Variants in IGSF22 observed in about 807,000 individuals in gnomAD.
The protein encoded by IGSF22 is immunoglobulin superfamily, member 22.
Under a neutral mutation model 127.0 loss-of-function variants are expected in IGSF22, and 119 were observed. The observed-to-expected ratio is 0.94, with a 90% CI of 0.81 to 1.09. The LOEUF (loss-of-function observed/expected upper bound fraction) is 1.09. IGSF22 is among the 50% of genes least tolerant of loss of function. IGSF22 has a pLI of 0.00. For missense variants in IGSF22, 1,518 were observed against 1,716.6 expected (o/e 0.88, Z 2.04); for synonymous variants, 568 against 664.7 (o/e 0.85, Z 2.24).
intron 19 of IGSF22, 56 bp from the exon 20 acceptor site, chr11:18,708,052 G>A: frequency 6.3e-7 from 1 of 1,596,160 alleles, no homozygotes; most frequent in Non-Finnish European, 8.6e-7. Flanking sequence ...TTGGGGGCAG[G>A]CCTTCCTCCA....
chr11:18,711,111 A>G (rs1040199037), intron 15 of IGSF22, among the ~76,000 whole-genome samples: 1 of 150,636 alleles, frequency 6.6e-6, no homozygotes, highest in African/African-American at 2.5e-5. Flanking sequence ...CATTAACATC[A>G]AGTGGGAAGT....
At chr11:18,710,965 A>G in intron 15 of IGSF22, 137 bp from the exon 16 acceptor site, 1 of 745,254 alleles carries the variant, frequency 1.3e-6, no homozygotes, top group Non-Finnish European at 2.1e-6. Context: ...TTTTAGAGAC[A>G]AGGTCTCACT....
chr11:18,710,414 A>G lies in IGSF22; in HGVS notation c.2614T>C (p.Tyr872His), dbSNP rs761680089. ...TVDGLLEDTE[Y>H]EFRVIAVNKA... ...TTTACAGCTATAACTCGGAATTCAT[A>G]TTCTGTGTCCTCCAGGAGACCATCC... is the stretch of plus-strand genomic sequence containing the variant. The change falls in exon 17 of 23, where the codon TAT becomes CAT. Residue 872 changes from tyrosine to histidine, a missense_variant. By Grantham distance (83) the Tyr-to-His change is moderately conservative. Coordinates refer to ENST00000513874, the MANE Select transcript of IGSF22 (RefSeq NM_173588.4). 1.2e-6 allele frequency: 2 copies of G among 1,614,206 alleles called. No individual in the cohort carries two copies. Among genetic ancestry groups the G allele is most frequent in the South Asian group, 2.2e-5 (2 of 91,080 alleles).
intron 22 of IGSF22, chr11:18,705,546 T>C (rs975883465): frequency 1.8e-5 from 9 of 491,906 alleles, no homozygotes; most frequent in Middle Eastern, 1.1e-3. Context: ...CAGTATCTTT[T>C]TTCTGAAGGC....
chr11:18,720,309 T>C, intron 4 of IGSF22, 24 bp from the exon 5 acceptor site: 5 of 1,598,168 alleles, frequency 3.1e-6, no homozygotes, highest in Non-Finnish European at 3.4e-6. Context: ...CGGCCATTAG[T>C]GGGGGAAGGA....
intron 2 of IGSF22, 68 bp from the exon 3 acceptor site, chr11:18,722,109 G>A: frequency 1.9e-6 from 3 of 1,587,536 alleles, no homozygotes; most frequent in Middle Eastern, 1.7e-4. Context: ...GGAGGACAGA[G>A]CTTTCTTGAG....
chr11:18,707,864 G>A lies in IGSF22; in HGVS notation c.3220C>T (p.Arg1074Ter), dbSNP rs768209518. Residue 1074 changes from arginine to a stop codon, truncating the protein, a stop_gained, in exon 20 of 23, where the codon CGA becomes TGA. Coordinates refer to ENST00000513874, the MANE Select transcript of IGSF22 (RefSeq NM_173588.4). LOFTEE classifies it high-confidence loss of function. ...CCAAACTCATTCTGAAGCAAGATTC[G>A]GTACACCCCTGAGTCAGAGCGCTTG... ...STKRSDSGVY[R>*]ILLQNEFGEA... 1.7e-5 allele frequency: 27 copies of A among 1,613,770 alleles called. No individual in the cohort carries two copies. Among genetic ancestry groups the A allele is most frequent in the Non-Finnish European group, 2.2e-5 (26 of 1,179,926 alleles).
chr11:18,721,813 G>A (rs964126300), intron 3 of IGSF22, 97 bp downstream of exon 3: 245 of 1,590,540 alleles, frequency 1.5e-4, no homozygotes, highest in Non-Finnish European at 2.0e-4. Flanking sequence ...CTCTGCCAGG[G>A]TTTAGCATTG....
chr11:18,720,408 G>A, intron 4 of IGSF22, 123 bp from the exon 5 acceptor site: 1 of 674,464 alleles, frequency 1.5e-6, no homozygotes, highest in South Asian at 1.8e-5. Flanking sequence ...TTGGGTATAT[G>A]TGTGGAGGAT....
At chr11:18,722,190 C>T in intron 2 of IGSF22, 149 bp from the exon 3 acceptor site, 1 of 884,008 alleles carries the variant, frequency 1.1e-6, no homozygotes, top group Non-Finnish European at 1.7e-6. Context: ...GGGGAGAAAG[C>T]AGGGTGAGTC....
Position 18,717,504 on chromosome 11 carries a change from T to A in IGSF22, c.973+427A>T, listed in dbSNP as rs1268788693. ...AGTGAAGTGCAGGATCATGGCTCACTGCAGCCTCAGCGTGCTGGGTAGCTA... is the reference window on the plus strand; with the variant it reads ...AGTGAAGTGCAGGATCATGGCTCACAGCAGCCTCAGCGTGCTGGGTAGCTA... On this transcript the variant is annotated intron_variant, in intron 9 of 22. Transcript: ENST00000513874. Among the ~76,000 whole-genome samples, 10 of 152,262 alleles carry A rather than the reference T, an allele frequency of 6.6e-5. No homozygotes were observed. In the East Asian group the frequency reaches 1.9e-3, roughly 29 times the overall value.
chr11:18,722,144 G>A (rs1255998806), intron 2 of IGSF22, 103 bp from the exon 3 acceptor site: 2 of 1,391,790 alleles, frequency 1.4e-6, no homozygotes, highest in Non-Finnish European at 2.0e-6. Flanking sequence ...TGGGAACAAA[G>A]AGCATTTAGG....
Position 18,713,904 on chromosome 11 carries a change from C to G in IGSF22, c.2043G>C (p.Lys681Asn). Residue 681 changes from lysine to asparagine, a missense_variant, in exon 14 of 23, where the codon AAG (lysine) becomes AAC (asparagine). Around this residue, in one of 3 missense-constraint regions of IGSF22, gnomAD observed 1,456 missense variants for 1,644.9 expected, o/e 0.89. Coordinates refer to ENST00000513874, the MANE Select transcript of IGSF22 (RefSeq NM_173588.4). The part of the protein sequence containing the change: ...VREDSGLILL[K>N]LKNDHGSATA... ...TGGCTGAGCCGTGGTCATTCTTGAG[C>G]TTGAGCAGGATGAGGCCGCTGTCTT... 6.2e-7 allele frequency: 1 copy of G among 1,614,256 alleles called. No homozygotes were observed. Among genetic ancestry groups the G allele is most frequent in the Non-Finnish European group, 8.5e-7 (1 of 1,180,048 alleles).
Position 18,718,093 on chromosome 11 carries a change from C to G in IGSF22, c.811G>C (p.Gly271Arg), listed in dbSNP as rs772099749. The G allele has an allele frequency of 1.1e-5, 17 of 1,613,150 alleles. No homozygotes were observed. In the Admixed American group the frequency reaches 2.8e-4, roughly 27 times the overall value. Residue 271 changes from glycine to arginine, a missense_variant and splice_region_variant, in exon 9 of 23, where the codon GGT becomes CGT. Coordinates refer to ENST00000513874, the MANE Select transcript of IGSF22 (RefSeq NM_173588.4). ...TACTGGATCCTCAGTGGCTCAGTAC[C>G]CTGCCTCATGGAACAGGTAGGAAAG... ...DPNVKMIWIK[G>R]TEPLRIQYSL...
Position 18,707,990 on chromosome 11 carries a change from G to T in IGSF22, c.3094C>A (p.Pro1032Thr), listed in dbSNP as rs200008059. Residue 1032 changes from proline (P) to threonine (T), a missense_variant, in exon 20 of 23, where the codon CCA becomes ACA. By Grantham distance (38) the Pro-to-Thr change is conservative. Around this residue, in one of 3 missense-constraint regions of IGSF22, gnomAD observed 1,456 missense variants for 1,644.9 expected, o/e 0.89. Coordinates refer to ENST00000513874, the MANE Select transcript of IGSF22 (RefSeq NM_173588.4). ...LCIHAAFSGS[P>T]PPDVIWQKDG... ...TTCTGCCAGATCACGTCAGGTGGTGGTGAGCCCTGAGTAGTGACAGGAGAT... is the reference window on the plus strand; with the variant it reads ...TTCTGCCAGATCACGTCAGGTGGTGTTGAGCCCTGAGTAGTGACAGGAGAT... 27 of 1,614,036 alleles carry T rather than the reference G, an allele frequency of 1.7e-5. No homozygotes were observed. The highest frequency in any genetic ancestry group is 2.1e-5 in the Non-Finnish European group (25 of 1,179,934).
rs758666846 is a variant in IGSF22, at chr11:18,707,187, G to C, written c.3307C>G (p.Arg1103Gly). 1 of 1,541,950 alleles carries C rather than the reference G, an allele frequency of 6.5e-7. No individual in the cohort carries two copies. The highest frequency in any genetic ancestry group is 2.0e-5 in the Admixed American group (1 of 50,002). ...GTGTTGGGGACTTCCTCAAACAACCGTAGGTTTGTGGGGGGCCGAGGGAAA... is the reference window on the plus strand; with the variant it reads ...GTGTTGGGGACTTCCTCAAACAACCCTAGGTTTGTGGGGGGCCGAGGGAAA... ...ADFPRPPTNL[R>G]LFEEVPNTVT... The change falls in exon 21 of 23, where the codon CGG becomes GGG. Residue 1103 changes from arginine to glycine, a missense_variant. Around this residue, in one of 3 missense-constraint regions of IGSF22, gnomAD observed 1,456 missense variants for 1,644.9 expected, o/e 0.89. Transcript: ENST00000513874.
At chr11:18,715,065 G>A (rs1848435832) in intron 11 of IGSF22, among the ~76,000 whole-genome samples, 1 of 151,832 alleles carries the variant, frequency 6.6e-6, no homozygotes, top group African/African-American at 2.4e-5. Context: ...GGGGGTTGAG[G>A]GTAGCCAGGG....
In IGSF22 at chr11:18,719,770, G is replaced by T; in HGVS notation, c.642C>A (p.Asp214Glu). ...TGAGCTTCCTGAGCAGCCCCCGAAA[G>T]TCGGTGAAACCATACTCCATGCACA... ...EKVCMEYGFT[D>E]FRGLLRKLKE... Residue 214 changes from aspartate (D) to glutamate (E), a missense_variant, in exon 7 of 23, where the codon GAC (aspartate) becomes GAA (glutamate). This residue lies in a region of IGSF22 where 1,456 missense variants were observed against 1,644.9 expected (regional missense o/e 0.89). Transcript: ENST00000513874. 1.2e-6 allele frequency: 2 copies of T among 1,614,182 alleles called. No individual in the cohort carries two copies. The highest frequency in any genetic ancestry group is 1.7e-6 in the Non-Finnish European group (2 of 1,180,040).
chr11:18,707,593 A>C (rs889607752), intron 20 of IGSF22, among the ~76,000 whole-genome samples: 2 of 152,176 alleles, frequency 1.3e-5, no homozygotes, highest in Non-Finnish European at 2.9e-5. Flanking sequence ...TAATGGATTC[A>C]TCTCCATTTG....
Sources: allele counts gnomAD v4.1 joint callset (sites outside exome capture counted in the v4.1 genomes callset), GRCh38; gene constraint gnomAD v4.1.1; regional missense constraint gnomAD v4.1.1; transcripts MANE v1.5; gene names NCBI Gene and HGNC (gene_info 2026-07-23, HGNC 2026-07-21).